Variants in AP2A1 observed in about 807,000 individuals in gnomAD.
The protein encoded by AP2A1 is adaptor related protein complex 2 subunit alpha 1, also known as AP-2 complex subunit alpha-1.
AP2A1 carries 21 observed loss-of-function variants against 107.3 expected under a neutral mutation model. That is an observed-to-expected ratio of 0.20 (90% CI 0.14 to 0.28). The LOEUF (loss-of-function observed/expected upper bound fraction) is 0.28. AP2A1 is among the 10% of genes least tolerant of loss of function. The pLI is 1.00. For synonymous variants in AP2A1, 602 were observed against 564.8 expected (o/e 1.07, Z -0.93); for missense variants, 873 against 1,307.7 (o/e 0.67, Z 5.13).
intron 1 of AP2A1, 78 bp downstream of exon 1, chr19:49,767,278 G>A: frequency 3.9e-6 from 6 of 1,546,930 alleles, no homozygotes; most frequent in Non-Finnish European, 5.3e-6. Flanking sequence ...GATCACAGAG[G>A]GACCCGGGGG....
rs910207082 is a variant in AP2A1 at position 49,785,483 on chromosome 19, T to C, written c.473+2759T>C. On this transcript the variant is annotated intron_variant, in intron 4 of 22. Transcript: ENST00000354293. The surrounding 1 kb of genome is among the most constrained non-coding windows in gnomAD (Gnocchi z 4.1). ...AAAATGGGTCAGAGAGGGCAGAACC[T>C]GAGTGTGGTTTGGTCATGCTGAATT... is the stretch of plus-strand genomic sequence containing the variant. Among the ~76,000 whole-genome samples the C allele has an allele frequency of 7.9e-5, 12 of 152,252 alleles. No individual in the cohort carries two copies. Among genetic ancestry groups the C allele is most frequent in the African/African-American group, 2.9e-4 (12 of 41,546 alleles).
At chr19:49,802,438 C>T (rs764635339) in intron 15 of AP2A1, 7 of 1,215,908 alleles carry the variant, frequency 5.8e-6, no homozygotes, top group South Asian at 5.1e-5. Context: ...TCCGTCCCTC[C>T]CTCTCTGTCT....
At chr19:49,802,629 TC>T in intron 15 of AP2A1, 1 of 1,146,238 alleles carries the variant, frequency 8.7e-7, no homozygotes, top group Non-Finnish European at 1.2e-6. Context: ...GGGAGGTCGG[TC>T]GGGGGGGCGG....
In AP2A1 at chr19:49,802,029, C is replaced by T. The variant is rs1386597024; in HGVS notation, c.2002C>T (p.Pro668Ser). Residue 668 changes from proline (P) to serine (S), a missense_variant, in exon 15 of 23, where the codon CCC (proline) becomes TCC (serine). By Grantham distance (74) the Pro-to-Ser change is moderately conservative. This residue lies in a region of AP2A1 where 416 missense variants were observed against 473.4 expected (regional missense o/e 0.88). Transcript: ENST00000354293. ...CCTCCTGGGGCTGCGGGCAGCCCCT[C>T]CCCCGGCAGCACCCCCGGCTTCTGC... ...ADLLGLRAAPPPAAPPASAGA... is the reference protein window; with the variant it reads ...ADLLGLRAAPSPAAPPASAGA... 1 of 1,565,438 alleles carries T rather than the reference C, an allele frequency of 6.4e-7. No homozygotes were observed. The highest frequency in any genetic ancestry group is 1.4e-5 in the African/African-American group (1 of 73,976).
At chr19:49,799,813 G>A in intron 10 of AP2A1, 47 bp downstream of exon 10, 2 of 1,591,590 alleles carry the variant, frequency 1.3e-6, no homozygotes, top group Non-Finnish European at 1.7e-6. Context: ...TGAGGCAGGA[G>A]GTGGCTGGGG....
chr19:49,768,775 G>A (rs2077308326), intron 1 of AP2A1, among the ~76,000 whole-genome samples: 1 of 152,162 alleles, frequency 6.6e-6, no homozygotes, highest in African/African-American at 2.4e-5. Context: ...CACCAGGGAT[G>A]TGACCCTCCA....
intron 1 of AP2A1, among the ~76,000 whole-genome samples, chr19:49,772,248 T>TTTTTTTTTTG (rs2084567630): frequency 5.9e-5 from 1 of 16,890 alleles, no homozygotes; most frequent in African/African-American, 1.7e-4. Context: ...TTCATAGAGT[T>TTTTTTTTTTG]TTTTTTTTTT....
chr19:49,769,115 T>G (rs186980292), intron 1 of AP2A1, among the ~76,000 whole-genome samples: 4 of 151,974 alleles, frequency 2.6e-5, no homozygotes, highest in Admixed American at 2.0e-4. Context: ...CCAGGTGTGG[T>G]GGTGGGTGCC....
At chr19:49,806,352 C>T in intron 22 of AP2A1, 99 bp downstream of exon 22, 3 of 1,412,602 alleles carry the variant, frequency 2.1e-6, no homozygotes, top group Non-Finnish European at 2.8e-6. Context: ...CACGTCCCCA[C>T]TTTGACCCTC....
chr19:49,777,923 G>T (rs946632112), intron 1 of AP2A1, among the ~76,000 whole-genome samples: 1 of 151,594 alleles, frequency 6.6e-6, no homozygotes, highest in Non-Finnish European at 1.5e-5. Flanking sequence ...GTGAGACCCC[G>T]TCTCAAGAAA....
chr19:49,793,001 C>T lies in AP2A1; in HGVS notation c.614C>T (p.Thr205Met), dbSNP rs773506704. 10 of 1,601,646 alleles carry T rather than the reference C, an allele frequency of 6.2e-6. No individual in the cohort carries two copies. The highest frequency in any genetic ancestry group is 1.7e-5 in the Admixed American group (1 of 58,166). Residue 205 changes from threonine to methionine, a missense_variant, in exon 6 of 23, where the codon ACG (threonine) becomes ATG (methionine). This residue lies in a region of AP2A1 where 157 missense variants were observed against 212.6 expected (regional missense o/e 0.74). Coordinates refer to ENST00000354293, the MANE Select transcript of AP2A1 (RefSeq NM_130787.3). Reference sequence around the variant, plus strand: ...CCTCTGCCCCTGCAGGGTGTGGTCACGGCCGCCGTCAGCCTCATCACCTGT... The same window carrying T: ...CCTCTGCCCCTGCAGGGTGTGGTCATGGCCGCCGTCAGCCTCATCACCTGT... ...LLNDQHMGVV[T>M]AAVSLITCLC...
chr19:49,803,392 C>T lies in AP2A1; in HGVS notation c.2344+16C>T, dbSNP rs563561305. On this transcript the variant is annotated intron_variant, in intron 18 of 22. Coordinates refer to ENST00000354293, the MANE Select transcript of AP2A1 (RefSeq NM_130787.3). ...CTCCAGACTCATATCCTCTCAGGCC[C>T]GGCCCAGCCTCCTGCCTCTCCACGT... 3.1e-6 allele frequency: 5 copies of T among 1,608,478 alleles called. No individual in the cohort carries two copies. Among genetic ancestry groups the T allele is most frequent in the African/African-American group, 1.3e-5 (1 of 74,780 alleles).
chr19:49,786,599 G>C lies in AP2A1; in HGVS notation c.473+3875G>C, dbSNP rs146122254. Among the ~76,000 whole-genome samples, 352 of 152,348 alleles carry C rather than the reference G, an allele frequency of 2.3e-3. 4 individuals carry two copies. The highest frequency in any genetic ancestry group is 7.8e-3 in the African/African-American group (325 of 41,580). ...CCCAGCGTGTTACGCTCTGGCAGGG[G>C]GGGTGGGAGTCATGATCAGGGGTGT... On this transcript the variant is annotated intron_variant, in intron 4 of 22. Coordinates refer to ENST00000354293, the MANE Select transcript of AP2A1 (RefSeq NM_130787.3).
In AP2A1 at chr19:49,785,703, G is replaced by C. The variant is rs554639553; in HGVS notation, c.473+2979G>C. On this transcript the variant is annotated intron_variant, in intron 4 of 22. Coordinates refer to ENST00000354293, the MANE Select transcript of AP2A1 (RefSeq NM_130787.3). The surrounding 1 kb of genome is among the most constrained non-coding windows in gnomAD (Gnocchi z 4.1). ...AGGCCAAGGTGGGCAGATCACTTGA[G>C]GTCAGGAGTTCAAGAACAGCTTGGC... 6.1e-4 allele frequency among the ~76,000 whole-genome samples: 93 copies of C among 152,072 alleles called. No individual in the cohort carries two copies. Among genetic ancestry groups the C allele is most frequent in the Non-Finnish European group, 1.2e-3 (84 of 68,014 alleles).
At chr19:49,778,671 A>G (rs1280855903) in intron 1 of AP2A1, among the ~76,000 whole-genome samples, 1 of 152,170 alleles carries the variant, frequency 6.6e-6, no homozygotes, top group African/African-American at 2.4e-5. Context: ...AACATAGAAA[A>G]GGAGCAGTCG....
Position 49,800,109 on chromosome 19 carries a change from C to T in AP2A1, c.1414C>T (p.Arg472Cys), listed in dbSNP as rs1179107362. The T allele has an allele frequency of 1.9e-6, 3 of 1,613,704 alleles. No individual in the cohort carries two copies. Among genetic ancestry groups the T allele is most frequent in the Non-Finnish European group, 2.5e-6 (3 of 1,179,766 alleles). Residue 472 changes from arginine (R) to cysteine (C), a missense_variant, in exon 11 of 23, where the codon CGT becomes TGT. Arg to Cys is a radical substitution (Grantham distance 180). Transcript: ENST00000354293. ...CCGTGTGCTACAGATCGTCACCAAC[C>T]GTGATGACGTCCAGGGCTATGCCGC... Reference protein sequence around the residue: ...WYRVLQIVTNRDDVQGYAAKT... With the variant: ...WYRVLQIVTNCDDVQGYAAKT...
chr19:49,800,175 A>T (rs201639831), intron 11 of AP2A1, 25 bp downstream of exon 11: 1 of 1,590,324 alleles, frequency 6.3e-7, no homozygotes, highest in Non-Finnish European at 8.6e-7. Context: ...CCCTGACCCT[A>T]TGACCCCACG....
At chr19:49,805,620 G>T (rs1395827685) in intron 19 of AP2A1, 41 bp from the exon 20 acceptor site, 1 of 1,553,196 alleles carries the variant, frequency 6.4e-7, no homozygotes, top group East Asian at 2.4e-5. Flanking sequence ...CCTCCGGGGT[G>T]AGGGGCGGGG....
At chr19:49,786,637 A>C (rs1325962557) in intron 4 of AP2A1, among the ~76,000 whole-genome samples, 1 of 152,260 alleles carries the variant, frequency 6.6e-6, no homozygotes, top group Non-Finnish European at 1.5e-5. Context: ...GAGGAAAATC[A>C]GGATCAGGCC....
Sources: allele counts gnomAD v4.1 joint callset (sites outside exome capture counted in the v4.1 genomes callset), GRCh38; gene constraint gnomAD v4.1.1; regional missense constraint gnomAD v4.1.1; non-coding constraint Gnocchi (gnomAD v3.1); transcripts MANE v1.5; gene names NCBI Gene and HGNC (gene_info 2026-07-23, HGNC 2026-07-21).